Variants in FBP1 observed in about 807,000 individuals in gnomAD.
FBP1 encodes the protein fructose-bisphosphatase 1.
FBP1 carries 22 observed loss-of-function variants against 29.9 expected under a neutral mutation model. That is an observed-to-expected ratio of 0.74 (90% confidence interval 0.53 to 1.05). FBP1 has a LOEUF of 1.05. FBP1 is among the 50% of genes least tolerant of loss of function. The pLI, the probability that FBP1 is intolerant of heterozygous loss-of-function variation, is 0.00. For synonymous variants in FBP1, 175 were observed against 178.6 expected (o/e 0.98, Z 0.16); for missense variants, 345 against 448.2 (o/e 0.77, Z 2.08).
At position 94,639,264 on chromosome 9, in the gene FBP1, C is replaced by T. The variant is rs200720843; in HGVS notation, c.47G>A (p.Arg16His). ...CTTCCTGCCCTCCTCCATGACGAAGCGGGTCAGGGTGTTGACGTCCGTGTC... is the reference window on the plus strand; with the variant it reads ...CTTCCTGCCCTCCTCCATGACGAAGTGGGTCAGGGTGTTGACGTCCGTGTC... Reference protein sequence around the residue: ...PFDTDVNTLTRFVMEEGRKAR... With the variant: ...PFDTDVNTLTHFVMEEGRKAR... The change falls in exon 1 of 7, where the codon CGC (arginine) becomes CAC (histidine). Residue 16 changes from arginine (R) to histidine (H), a missense_variant. Transcript: ENST00000375326. 7 of 1,605,586 alleles carry T rather than the reference C, an allele frequency of 4.4e-6. No individual in the cohort carries two copies. The East Asian group carries it at 1.6e-4, about 36-fold the overall frequency.
Position 94,639,411 on chromosome 9 carries a change from G to T in FBP1, c.-101C>A. On this transcript the variant is annotated 5_prime_UTR_variant, in exon 1 of 7. Coordinates refer to ENST00000375326, the MANE Select transcript of FBP1 (RefSeq NM_000507.4). ...GGCAGTAGGCACTGGCCGCAGGTGCGGAGCTGCAGGTGCGGGCGGCAGGTG... is the reference window on the plus strand; with the variant it reads ...GGCAGTAGGCACTGGCCGCAGGTGCTGAGCTGCAGGTGCGGGCGGCAGGTG... The T allele has an allele frequency of 7.3e-7, 1 of 1,364,914 alleles. No individual in the cohort carries two copies. The highest frequency in any genetic ancestry group is 2.5e-5 in the East Asian group (1 of 39,976). 84.6% of individuals were successfully genotyped at this position (1,364,914 alleles called of 1,614,324 possible). A position where few individuals can be genotyped will look rare whatever the true frequency, so the allele number is the denominator to read the frequency against.
chr9:94,624,371 G>A (rs1044750963), intron 1 of FBP1, among the ~76,000 whole-genome samples: 7 of 147,852 alleles, frequency 4.7e-5, no homozygotes, highest in Non-Finnish European at 8.9e-5. Context: ...GGAGGAAATG[G>A]GCCAGGCACG....
At chr9:94,633,510 G>A (rs1828141391) in intron 1 of FBP1, among the ~76,000 whole-genome samples, 1 of 152,118 alleles carries the variant, frequency 6.6e-6, no homozygotes, top group Non-Finnish European at 1.5e-5. Flanking sequence ...GCCCTACCAT[G>A]AGTACTCCAT....
intron 1 of FBP1, among the ~76,000 whole-genome samples, chr9:94,629,746 A>G (rs996873167): frequency 1.3e-5 from 2 of 152,044 alleles, no homozygotes; most frequent in Non-Finnish European, 2.9e-5. Flanking sequence ...CATTGTCTTC[A>G]TGGCCTTAGG....
chr9:94,612,279 G>T (rs533370600), intron 3 of FBP1, among the ~76,000 whole-genome samples: 1 of 152,090 alleles, frequency 6.6e-6, no homozygotes, highest in Non-Finnish European at 1.5e-5. Context: ...CCCACTGCAG[G>T]CTTCAAGTAA....
chr9:94,631,539 C>A (rs1286054447), intron 1 of FBP1, among the ~76,000 whole-genome samples: 1 of 152,206 alleles, frequency 6.6e-6, no homozygotes, highest in East Asian at 1.9e-4. Context: ...CTGCCTTCCA[C>A]AGCATCTCTA....
rs763441904 is a variant in FBP1 at position 94,617,824 on chromosome 9, A to C, written c.370T>G (p.Ser124Ala). The C allele has an allele frequency of 6.2e-7, 1 of 1,614,080 alleles. No individual in the cohort carries two copies. The highest frequency in any genetic ancestry group is 8.5e-7 in the Non-Finnish European group (1 of 1,179,944). Residue 124 changes from serine (S) to alanine (A), a missense_variant, in exon 3 of 7, where the codon TCT (serine) becomes GCT (alanine). By Grantham distance (99) the Ser-to-Ala change is moderately conservative (BLOSUM62 1). Coordinates refer to ENST00000375326, the MANE Select transcript of FBP1 (RefSeq NM_000507.4). ...GACACAAGGCAATCGATGTTGGAAG[A>C]TCCATCAAGGGGATCAAAACAGACC... ...YVVCFDPLDG[S>A]SNIDCLVSVG...
chr9:94,623,826 G>A (rs1278640027), intron 1 of FBP1, among the ~76,000 whole-genome samples: 1 of 152,214 alleles, frequency 6.6e-6, no homozygotes, highest in African/African-American at 2.4e-5. Context: ...CGCCCTTGTG[G>A]AGCGTATATT....
intron 5 of FBP1, among the ~76,000 whole-genome samples, chr9:94,606,086 G>A (rs1483212373): frequency 1.3e-5 from 2 of 152,158 alleles, no homozygotes; most frequent in African/African-American, 2.4e-5. Context: ...TGAAAGGAGA[G>A]ATGAGTAAGC....
At chr9:94,617,943 G>T in intron 2 of FBP1, 83 bp from the exon 3 acceptor site, 2 of 1,072,696 alleles carry the variant, frequency 1.9e-6, no homozygotes, top group Non-Finnish European at 1.4e-6. Context: ...CTAAGAATGG[G>T]AATTTAGAAG....
chr9:94,630,176 C>T (rs998990698), intron 1 of FBP1, among the ~76,000 whole-genome samples: 8 of 151,946 alleles, frequency 5.3e-5, no homozygotes, highest in Admixed American at 4.6e-4. Flanking sequence ...GCACCTAGAA[C>T]AATGCCTGCA....
chr9:94,623,755 T>C (rs1037255367), intron 1 of FBP1, among the ~76,000 whole-genome samples: 8 of 152,244 alleles, frequency 5.3e-5, no homozygotes, highest in Non-Finnish European at 1.0e-4. Context: ...AGGGACCTGC[T>C]GTGCACGGGG....
chr9:94,606,759 G>A lies in FBP1; in HGVS notation c.705+56C>T, dbSNP rs143032334. 1.2e-3 allele frequency: 1,907 copies of A among 1,570,890 alleles called. 4 individuals are homozygous for A. Among genetic ancestry groups the A allele is most frequent in the East Asian group, 8.7e-3 (382 of 43,874 alleles). On this transcript the variant is annotated intron_variant, in intron 5 of 6. Coordinates refer to ENST00000375326, the MANE Select transcript of FBP1 (RefSeq NM_000507.4). ...CGGGGGATGCCCCTGCCTCCAGAACGGCCTCTGGTGCCAGATGCCCAGAAC... is the reference window on the plus strand; with the variant it reads ...CGGGGGATGCCCCTGCCTCCAGAACAGCCTCTGGTGCCAGATGCCCAGAAC...
chr9:94,627,423 G>A (rs537695098), intron 1 of FBP1, among the ~76,000 whole-genome samples: 62 of 152,278 alleles, frequency 4.1e-4, no homozygotes, highest in African/African-American at 1.4e-3. Context: ...GAATGGCCCT[G>A]AAGGATAGAT....
intron 1 of FBP1, 62 bp downstream of exon 1, chr9:94,639,079 C>G: frequency 6.6e-7 from 1 of 1,519,858 alleles, no homozygotes; most frequent in Non-Finnish European, 8.9e-7. Context: ...AACGTCAGCC[C>G]GCCGGGCAGG....
intron 1 of FBP1, among the ~76,000 whole-genome samples, chr9:94,632,548 A>G (rs1828119740): frequency 6.6e-6 from 1 of 151,974 alleles, no homozygotes; most frequent in East Asian, 1.9e-4. Flanking sequence ...GGAACCTATA[A>G]TCCCAGCTAC....
chr9:94,625,444 C>T (rs1828010322), intron 1 of FBP1, among the ~76,000 whole-genome samples: 1 of 152,028 alleles, frequency 6.6e-6, no homozygotes, highest in Admixed American at 6.6e-5. Flanking sequence ...GGGCTCTCAC[C>T]ACAGAACTGA....
chr9:94,630,657 A>G (rs961141803), intron 1 of FBP1, among the ~76,000 whole-genome samples: 1 of 152,252 alleles, frequency 6.6e-6, no homozygotes, highest in Non-Finnish European at 1.5e-5. Context: ...TGCCTGGTGC[A>G]TAGGCAAGTG....
At chr9:94,629,107 G>A (rs1211212448) in intron 1 of FBP1, among the ~76,000 whole-genome samples, 2 of 151,962 alleles carry the variant, frequency 1.3e-5, no homozygotes, top group East Asian at 1.9e-4. Flanking sequence ...TCAGCCTCCC[G>A]AGTAGCTGGG....
Sources: gnomAD v4.1 joint callset for allele counts (sites outside exome capture counted in the v4.1 genomes callset) on GRCh38, gnomAD v4.1.1 for gene constraint, MANE v1.5 for transcripts, NCBI Gene and HGNC (gene_info 2026-07-23, HGNC 2026-07-21) for gene names.